CCM2: variants seen among roughly 807,000 people sequenced by gnomAD.
CCM2 encodes the protein cerebral cavernous malformations 2 protein.
CCM2 carries 25 observed loss-of-function variants against 44.9 expected under a neutral mutation model. The observed-to-expected ratio is 0.56, with a 90% CI of 0.41 to 0.78. CCM2 has a LOEUF of 0.78. CCM2 is among the 30% of genes least tolerant of loss of function. The pLI is 0.00. For synonymous variants in CCM2, 219 were observed against 241.1 expected (o/e 0.91, Z 0.85); for missense variants, 481 against 580.6 (o/e 0.83, Z 1.76).
At chr7:45,003,744 C>A (rs1015968254) in intron 1 of CCM2, among the ~76,000 whole-genome samples, 2 of 150,548 alleles carry the variant, frequency 1.3e-5, no homozygotes, top group African/African-American at 4.9e-5. Flanking sequence ...AAAAAAAAAA[C>A]CATCTTGTGG....
At chr7:45,027,285 C>T in intron 1 of CCM2, 3 of 331,800 alleles carry the variant, frequency 9.0e-6, no homozygotes, top group South Asian at 5.0e-5. Flanking sequence ...CATGGGTCTT[C>T]ACCAACAGCA....
chr7:45,036,373 C>G (rs1247122542), intron 1 of CCM2, among the ~76,000 whole-genome samples: 1 of 152,182 alleles, frequency 6.6e-6, no homozygotes, highest in Non-Finnish European at 1.5e-5. Flanking sequence ...GCAGAAAGCT[C>G]AGCCTTGGCT....
At chr7:45,024,957 T>C (rs1796624029) in intron 1 of CCM2, among the ~76,000 whole-genome samples, 2 of 152,230 alleles carry the variant, frequency 1.3e-5, no homozygotes, top group African/African-American at 4.8e-5. Flanking sequence ...CCTCTTTGAT[T>C]CTGCCTGCTC....
intron 2 of CCM2, among the ~76,000 whole-genome samples, chr7:45,056,033 G>A (rs978103875): frequency 6.6e-6 from 1 of 152,162 alleles, no homozygotes; most frequent in Admixed American, 6.5e-5. Context: ...TTTTAAGGCT[G>A]AATAATATTT....
intron 2 of CCM2, among the ~76,000 whole-genome samples, chr7:45,042,102 C>T (rs1032623377): frequency 3.3e-5 from 5 of 151,924 alleles, no homozygotes; most frequent in African/African-American, 7.3e-5. Context: ...GGTGAAACCC[C>T]ATCTCTACTA....
intron 2 of CCM2, among the ~76,000 whole-genome samples, chr7:45,042,968 CTTTTT>C (rs35874377): frequency 5.2e-5 from 7 of 134,630 alleles, no homozygotes; most frequent in Admixed American, 7.7e-5. Context: ...TCTTCTTCTT[CTTTTT>C]TTTTTTTTTT....
intron 1 of CCM2, among the ~76,000 whole-genome samples, chr7:45,029,842 G>A (rs980451396): frequency 1.3e-5 from 2 of 152,322 alleles, no homozygotes; most frequent in East Asian, 1.9e-4. Flanking sequence ...TTTAGTTTTA[G>A]TTTTTTAACT....
intron 2 of CCM2, among the ~76,000 whole-genome samples, chr7:45,048,297 A>G (rs1797852294): frequency 6.6e-6 from 1 of 152,242 alleles, no homozygotes; most frequent in Non-Finnish European, 1.5e-5. Context: ...AATCACAATA[A>G]TAAAATCCAC....
chr7:45,000,644 G>A (rs1448733674), intron 1 of CCM2, among the ~76,000 whole-genome samples: 1 of 152,276 alleles, frequency 6.6e-6, no homozygotes, highest in Non-Finnish European at 1.5e-5. Context: ...GGCTGCAGAG[G>A]AAGTGGGCCC....
chr7:45,028,691 T>C (rs968031311), intron 1 of CCM2, among the ~76,000 whole-genome samples: 4 of 151,736 alleles, frequency 2.6e-5, no homozygotes, highest in Non-Finnish European at 4.4e-5. Flanking sequence ...AGCCGTGTCC[T>C]GAGATGCGGG....
intron 1 of CCM2, among the ~76,000 whole-genome samples, chr7:45,002,372 C>T (rs1266526890): frequency 6.6e-6 from 1 of 152,180 alleles, no homozygotes; most frequent in Non-Finnish European, 1.5e-5. Flanking sequence ...AGTTCGAGAC[C>T]AGCCTGGGCA....
chr7:45,030,021 T>TGG (rs796744874), intron 1 of CCM2, among the ~76,000 whole-genome samples: 22 of 152,336 alleles, frequency 1.4e-4, no homozygotes, highest in African/African-American at 5.3e-4. Context: ...CAGCGCTGCA[T>TGG]GGTGACTCAG....
chr7:45,019,232 C>T (rs559851529), intron 1 of CCM2, among the ~76,000 whole-genome samples: 2 of 151,636 alleles, frequency 1.3e-5, no homozygotes, highest in Non-Finnish European at 2.9e-5. Context: ...CCACTGTGCC[C>T]GGCTAATGAA....
intron 1 of CCM2, among the ~76,000 whole-genome samples, chr7:45,008,347 G>A (rs1456887710): frequency 6.8e-6 from 1 of 147,272 alleles, no homozygotes; most frequent in Non-Finnish European, 1.5e-5. Context: ...CTGGCCAAGG[G>A]TACATGTTCT....
chr7:45,023,107 C>T (rs541017876), intron 1 of CCM2, among the ~76,000 whole-genome samples: 2 of 152,244 alleles, frequency 1.3e-5, no homozygotes, highest in East Asian at 1.9e-4. Context: ...AATTTTTCAT[C>T]TCTCACCTCC....
At chr7:45,002,567 C>CTT (rs142240277) in intron 1 of CCM2, among the ~76,000 whole-genome samples, 114 of 150,636 alleles carry the variant, frequency 7.6e-4, no homozygotes, top group African/African-American at 2.8e-3. Flanking sequence ...GTGATTCAGG[C>CTT]TTTTTTTTAC....
At chr7:45,055,747 A>G (rs1265086788) in intron 2 of CCM2, among the ~76,000 whole-genome samples, 2 of 152,348 alleles carry the variant, frequency 1.3e-5, no homozygotes, top group South Asian at 2.1e-4. Context: ...CATAAAATCA[A>G]TTCACATTGT....
intron 1 of CCM2, among the ~76,000 whole-genome samples, chr7:45,028,708 C>G (rs1796810678): frequency 6.6e-6 from 1 of 151,826 alleles, no homozygotes; most frequent in African/African-American, 2.4e-5. Context: ...CGGGTGCACA[C>G]CGGCTGTGTC....
intron 2 of CCM2, among the ~76,000 whole-genome samples, chr7:45,045,605 C>CA (rs1321475428): frequency 9.9e-5 from 15 of 152,256 alleles, no homozygotes; most frequent in African/African-American, 3.1e-4. Context: ...TCCTGGCTAA[C>CA]ATGGTGAAAC....
Sources: allele counts gnomAD v4.1 joint callset (sites outside exome capture counted in the v4.1 genomes callset), GRCh38; gene constraint gnomAD v4.1.1; transcripts MANE v1.5; gene names NCBI Gene and HGNC (gene_info 2026-07-23, HGNC 2026-07-21).